Variants in NCOR2 observed in about 807,000 individuals in gnomAD.
The protein encoded by NCOR2 is CTG repeat protein 26.
NCOR2 carries 81 observed loss-of-function variants against 262.9 expected under a neutral mutation model. The ratio of observed to expected loss-of-function variants is 0.31; its 90% CI spans 0.26 to 0.37. The LOEUF is 0.37. Ranked by LOEUF, NCOR2 falls within the 10% of genes least tolerant of loss-of-function variation. The pLI is 1.00. For synonymous variants in NCOR2, 1,659 were observed against 1,559.3 expected (o/e 1.06, Z -1.51); for missense variants, 3,385 against 3,621.4 (o/e 0.93, Z 1.68).
chr12:124,388,202 C>G (rs1165369354), intron 16 of NCOR2, among the ~76,000 whole-genome samples: 4 of 152,162 alleles, frequency 2.6e-5, no homozygotes, highest in African/African-American at 9.7e-5. Flanking sequence ...CCCTTCTGCT[C>G]TCCGGCCTCA....
At chr12:124,536,526 A>G (rs1214933395), upstream of NCOR2, among the ~76,000 whole-genome samples, 1 of 152,198 alleles carries the variant, frequency 6.6e-6, no homozygotes, top group Non-Finnish European at 1.5e-5. Flanking sequence ...GCTTCACCAA[A>G]GAGTACATAC....
intron 1 of NCOR2, among the ~76,000 whole-genome samples, chr12:124,550,214 C>G (rs1477533743): frequency 2.0e-5 from 3 of 152,188 alleles, no homozygotes; most frequent in African/African-American, 7.2e-5. Flanking sequence ...CCGTTCTTAC[C>G]AAATGCATGA....
chr12:124,478,440 G>C (rs1327886015), intron 3 of NCOR2, among the ~76,000 whole-genome samples: 2 of 152,198 alleles, frequency 1.3e-5, no homozygotes, highest in Non-Finnish European at 2.9e-5. Flanking sequence ...AACTCCGGAG[G>C]CTGAAGAGCA....
At chr12:124,540,455 A>G (rs1594033730), upstream of NCOR2, among the ~76,000 whole-genome samples, 2 of 49,444 alleles carry the variant, frequency 4.0e-5, no homozygotes, top group Admixed American at 5.1e-4. Flanking sequence ...CTGGAGGGGG[A>G]TGGAGGTGGA....
At chr12:124,433,904 A>ACGCG (rs1555222719) in intron 8 of NCOR2, among the ~76,000 whole-genome samples, 10 of 93,892 alleles carry the variant, frequency 1.1e-4, no homozygotes, top group African/African-American at 4.3e-4. Context: ...ACACACGCAC[A>ACGCG]CACACACACA....
intron 1 of NCOR2, among the ~76,000 whole-genome samples, chr12:124,502,903 C>T (rs1028852531): frequency 2.0e-5 from 3 of 152,290 alleles, no homozygotes; most frequent in South Asian, 2.1e-4. Context: ...CCTAGAGAAA[C>T]GGGCCTCCAC....
chr12:124,489,004 C>A (rs1223627498), intron 1 of NCOR2, among the ~76,000 whole-genome samples: 1 of 151,918 alleles, frequency 6.6e-6, no homozygotes, highest in Non-Finnish European at 1.5e-5. Flanking sequence ...GACCCTAAAC[C>A]CTGGGAGACA....
intron 1 of NCOR2, among the ~76,000 whole-genome samples, chr12:124,490,399 G>C (rs1402606668): frequency 6.9e-6 from 1 of 144,458 alleles, no homozygotes; most frequent in East Asian, 2.1e-4. Flanking sequence ...CGCCTGATAA[G>C]TATTTGCCAG....
At chr12:124,334,092 C>A (rs1205086052) in intron 41 of NCOR2, among the ~76,000 whole-genome samples, 2 of 152,064 alleles carry the variant, frequency 1.3e-5, no homozygotes, top group African/African-American at 4.8e-5. Flanking sequence ...ACTGACTGTG[C>A]CCCTGTGGGC....
intron 29 of NCOR2, 48 bp downstream of exon 31, chr12:124,348,126 C>A (rs771246770): frequency 6.9e-6 from 11 of 1,602,744 alleles, no homozygotes; most frequent in East Asian, 2.2e-5. Flanking sequence ...CATCCCCCCA[C>A]CGCCCACCAG....
chr12:124,387,721 G>A (rs979487779), intron 16 of NCOR2, among the ~76,000 whole-genome samples: 1 of 152,264 alleles, frequency 6.6e-6, no homozygotes, highest in Non-Finnish European at 1.5e-5. Flanking sequence ...CCCTCCGCCC[G>A]CGCCAGCAGC....
chr12:124,430,317 A>T (rs570758960), intron 9 of NCOR2, among the ~76,000 whole-genome samples: 1 of 152,320 alleles, frequency 6.6e-6, no homozygotes, highest in Non-Finnish European at 1.5e-5. Flanking sequence ...CACACCAGGG[A>T]TCTCAAACTC....
Position 124,442,128 on chromosome 12 carries a change from A to ATTTTG in NCOR2, c.816-4137_816-4133dup, listed in dbSNP as rs987007724. On this transcript the variant is annotated intron_variant, in intron 7 of 46. Coordinates refer to ENST00000405201, the Ensembl canonical transcript of NCOR2. ...CATGTGCCACTATTTCTTTCTTAGT[A>ATTTTG]TTTTGTTTTGTTTTGTTTTGATTTT... 3.0e-4 allele frequency among the ~76,000 whole-genome samples: 45 copies of ATTTTG among 152,108 alleles called. 1 individual carries two copies. Among genetic ancestry groups the ATTTTG allele is most frequent in the East Asian group, 9.7e-4 (5 of 5,178 alleles).
chr12:124,400,441 G>A (rs1055772334), intron 15 of NCOR2, 60 bp downstream of exon 17: 29 of 1,576,508 alleles, frequency 1.8e-5, no homozygotes, highest in Non-Finnish European at 2.4e-5. Context: ...ACTTTCATAT[G>A]AGCGCAACCC....
At chr12:124,344,698 T>C (rs1331045609) in exon 32 of NCOR2, 2 of 1,530,526 alleles carry the variant, frequency 1.3e-6, no homozygotes, top group Non-Finnish European at 8.8e-7. Flanking sequence ...CAGGGGGCTC[T>C]GCCGCGGCTT....
chr12:124,483,789 C>A lies in NCOR2; in HGVS notation c.234-16G>T, dbSNP rs772603697. On this transcript the variant is annotated splice_polypyrimidine_tract_variant and intron_variant, in intron 2 of 46. Transcript: ENST00000405201. The surrounding 1 kb of genome is among the most constrained non-coding windows in gnomAD (Gnocchi z 6.3). ...CTCCTGGGACCTGCAGGAGGTGAGG[C>A]ATCCAACGTCACATAGGAGATTGCG... 1.9e-5 allele frequency: 30 copies of A among 1,579,794 alleles called. No individual in the cohort carries two copies. Among genetic ancestry groups the A allele is most frequent in the Non-Finnish European group, 2.3e-5 (27 of 1,163,102 alleles).
At chr12:124,334,336 G>C in intron 41 of NCOR2, 88 bp downstream of exon 43, 1 of 1,005,636 alleles carries the variant, frequency 9.9e-7, no homozygotes, top group Non-Finnish European at 1.4e-6. Context: ...CTCATATGCA[G>C]CTGAGCTCAG....
chr12:124,466,173 C>G, exon 5 of NCOR2: 1 of 1,606,944 alleles, frequency 6.2e-7, no homozygotes, highest in African/African-American at 1.3e-5. Flanking sequence ...GGACACATAC[C>G]CGGTTCTCGT....
At chr12:124,363,861 G>C in intron 20 of NCOR2, 62 bp from the exon 23 acceptor site, 4 of 1,289,322 alleles carry the variant, frequency 3.1e-6, no homozygotes, top group Non-Finnish European at 4.0e-6. Context: ...GGGTGGGGGG[G>C]CTGCCCGGTT....
Sources: gnomAD v4.1 joint callset for allele counts (sites outside exome capture counted in the v4.1 genomes callset) on GRCh38, gnomAD v4.1.1 for gene constraint, Gnocchi (gnomAD v3.1) non-coding constraint, MANE v1.5 for transcripts, NCBI Gene and HGNC (gene_info 2026-07-23, HGNC 2026-07-21) for gene names.